The following CCDC39 variants were observed in gnomAD, a reference collection of about 807,000 sequenced individuals.
CCDC39 encodes coiled-coil domain-containing protein 39.
Under a neutral mutation model 121.0 loss-of-function variants are expected in CCDC39, and 113 were observed. That is an observed-to-expected ratio of 0.93 (90% CI 0.80 to 1.09). The LOEUF (loss-of-function observed/expected upper bound fraction) is 1.09. CCDC39 is among the 50% of genes least tolerant of loss of function. CCDC39 has a pLI of 0.00. For missense variants in CCDC39, 1,063 were observed against 1,074.7 expected (o/e 0.99, Z 0.15); for synonymous variants, 349 against 352.2 (o/e 0.99, Z 0.10).
At chr3:180,616,226 C>T in intron 19 of CCDC39, 55 bp downstream of exon 19, 1 of 1,465,398 alleles carries the variant, frequency 6.8e-7, no homozygotes, top group East Asian at 2.3e-5. Flanking sequence ...TGGCTGGAAT[C>T]ACTTAGTGTA....
intron 9 of CCDC39, 135 bp from the exon 10 acceptor site, chr3:180,648,494 C>T (rs1317603195): frequency 3.5e-6 from 2 of 569,478 alleles, no homozygotes; most frequent in Non-Finnish European, 5.7e-6. Flanking sequence ...AAAGCTCTTC[C>T]CACAATTTTA....
intron 9 of CCDC39, 66 bp downstream of exon 9, chr3:180,651,335 G>A (rs1718202976): frequency 4.6e-6 from 6 of 1,294,936 alleles, no homozygotes; most frequent in South Asian, 4.0e-5. Context: ...CTGATCCTAG[G>A]AGTCTAATTA....
chr3:180,673,831 G>C (rs1169292906), intron 1 of CCDC39, among the ~76,000 whole-genome samples: 2 of 151,848 alleles, frequency 1.3e-5, no homozygotes, highest in Non-Finnish European at 2.9e-5. Flanking sequence ...GAAGTAGGGG[G>C]CAGAAGGAAT....
chr3:180,636,338 C>T (rs557874411), intron 13 of CCDC39, among the ~76,000 whole-genome samples: 1 of 152,104 alleles, frequency 6.6e-6, no homozygotes, highest in African/African-American at 2.4e-5. Context: ...AAATCAGGAA[C>T]GCAATCCCAT....
chr3:180,621,453 C>T (rs1355336648), intron 14 of CCDC39, among the ~76,000 whole-genome samples: 5 of 151,978 alleles, frequency 3.3e-5, no homozygotes, highest in African/African-American at 2.4e-5. Context: ...AATGGCCATT[C>T]TGATTGTTGG....
chr3:180,631,507 CT>C lies in CCDC39; in HGVS notation c.1959del (p.Gly654GlufsTer11). 1.2e-6 allele frequency: 2 copies of C among 1,607,910 alleles called. No individual in the cohort carries two copies. The highest frequency in any genetic ancestry group is 1.7e-6 in the Non-Finnish European group (2 of 1,178,888). On this transcript the variant is annotated frameshift_variant, in exon 14 of 20. Coordinates refer to ENST00000476379, the MANE Select transcript of CCDC39 (RefSeq NM_181426.2). LOFTEE classifies it high-confidence loss of function. ...TAGGCCTGTGTTTTCTCCTCTTCTC[CT>C]TCAGGAGGCAGCATAACAACAGTCA... Reference protein sequence around the residue: ...EILTVVMLPPEGEEEKTQAYY... With the variant: ...EILTVVMLPPXGEEEKTQAYY...
intron 16 of CCDC39, among the ~76,000 whole-genome samples, chr3:180,618,651 T>C (rs189436960): frequency 9.5e-4 from 144 of 152,210 alleles, no homozygotes; most frequent in African/African-American, 3.2e-3. Flanking sequence ...AGTGAGAATA[T>C]GAGGTGTTTG....
At chr3:180,624,650 C>T (rs1484480635) in intron 14 of CCDC39, among the ~76,000 whole-genome samples, 1 of 152,122 alleles carries the variant, frequency 6.6e-6, no homozygotes, top group Non-Finnish European at 1.5e-5. Flanking sequence ...CATTTTAAAA[C>T]TCCTTTGAGC....
At chr3:180,645,908 C>T (rs559588800) in intron 11 of CCDC39, among the ~76,000 whole-genome samples, 1 of 152,200 alleles carries the variant, frequency 6.6e-6, no homozygotes, top group South Asian at 2.1e-4. Context: ...TAACCATCCC[C>T]ACACAGCAAA....
At chr3:180,640,871 C>G (rs1717938289) in intron 13 of CCDC39, among the ~76,000 whole-genome samples, 1 of 151,970 alleles carries the variant, frequency 6.6e-6, no homozygotes, top group Admixed American at 6.6e-5. Context: ...TAATTCCACT[C>G]TTTTAGAAAC....
intron 2 of CCDC39, among the ~76,000 whole-genome samples, chr3:180,662,258 C>G (rs573465494): frequency 6.6e-6 from 1 of 151,948 alleles, no homozygotes; most frequent in Admixed American, 6.6e-5. Flanking sequence ...TCAGATACTA[C>G]GCTGGTCTAG....
rs201780665 is a variant in CCDC39, at chr3:180,642,072, G to A, written c.1795C>T (p.Arg599Ter). Reference sequence around the variant, plus strand: ...TTATGAACCTTGATTTCTTCAGTTCGCTCTTCCATTGCTGTGTATAATTGC... The same window carrying A: ...TTATGAACCTTGATTTCTTCAGTTCACTCTTCCATTGCTGTGTATAATTGC... ...KQQLYTAMEE[R>*]TEEIKVHKTM... Residue 599 changes from arginine to a stop codon, truncating the protein, a stop_gained, in exon 13 of 20, where the codon CGA becomes TGA. Transcript: ENST00000476379. LOFTEE classifies it high-confidence loss of function. The A allele has an allele frequency of 8.8e-5, 141 of 1,611,134 alleles. No homozygotes were observed. Among genetic ancestry groups the A allele is most frequent in the Non-Finnish European group, 1.2e-4 (137 of 1,178,216 alleles).
intron 1 of CCDC39, among the ~76,000 whole-genome samples, chr3:180,677,166 T>TAA (rs1491509044): frequency 1.2e-3 from 48 of 40,904 alleles, no homozygotes; most frequent in East Asian, 3.8e-3. Flanking sequence ...ATAATAATAA[T>TAA]TTTATATATA....
At chr3:180,654,741 G>A in intron 7 of CCDC39, 21 bp downstream of exon 7, 1 of 1,559,620 alleles carries the variant, frequency 6.4e-7, no homozygotes, top group African/African-American at 1.4e-5. Flanking sequence ...ATACAAGCCA[G>A]TCTTTTTTGA....
At chr3:180,632,364 T>C (rs1412522291) in intron 13 of CCDC39, among the ~76,000 whole-genome samples, 2 of 152,116 alleles carry the variant, frequency 1.3e-5, no homozygotes, top group Non-Finnish European at 2.9e-5. Flanking sequence ...ATATGGAGAG[T>C]GCCTCAACTG....
chr3:180,671,709 C>T (rs546243647), intron 1 of CCDC39, among the ~76,000 whole-genome samples: 1 of 152,164 alleles, frequency 6.6e-6, no homozygotes, highest in African/African-American at 2.4e-5. Context: ...TACAGGCATG[C>T]ACCACCATTC....
intron 14 of CCDC39, among the ~76,000 whole-genome samples, chr3:180,623,854 G>A (rs1717492229): frequency 6.6e-6 from 1 of 151,120 alleles, no homozygotes; most frequent in Admixed American, 6.6e-5. Flanking sequence ...CTTGTTTTCT[G>A]GCTTGTCTTG....
At chr3:180,640,877 G>A (rs909194639) in intron 13 of CCDC39, among the ~76,000 whole-genome samples, 1 of 151,892 alleles carries the variant, frequency 6.6e-6, no homozygotes, top group Non-Finnish European at 1.5e-5. Context: ...CACTCTTTTA[G>A]AAACATATTC....
In CCDC39 at chr3:180,648,243, G is replaced by C; in HGVS notation, c.1284C>G (p.Ser428=). ...AVLSEIEGTR[S]SLKHLNHQLQ... is the part of the protein sequence containing the mutation. Reference sequence around the variant, plus strand: ...ACTGATGGTTGAGATGTTTCAGAGAGGAACGAGTTCCTTCAATTTCTGATA... The same window carrying C: ...ACTGATGGTTGAGATGTTTCAGAGACGAACGAGTTCCTTCAATTTCTGATA... The change falls in exon 10 of 20, where the codon TCC becomes TCG. Residue 428 remains serine, a synonymous_variant. Transcript: ENST00000476379. The C allele has an allele frequency of 6.2e-7, 1 of 1,613,434 alleles. No homozygotes were observed. The highest frequency in any genetic ancestry group is 8.5e-7 in the Non-Finnish European group (1 of 1,179,614).
Sources: gnomAD v4.1 joint callset for allele counts (sites outside exome capture counted in the v4.1 genomes callset) on GRCh38, gnomAD v4.1.1 for gene constraint, MANE v1.5 for transcripts, NCBI Gene and HGNC (gene_info 2026-07-23, HGNC 2026-07-21) for gene names.